The following DSTYK variants were observed in gnomAD, a reference collection of about 807,000 sequenced individuals.
DSTYK encodes dual serine/threonine and tyrosine protein kinase.
Under a neutral mutation model 98.7 loss-of-function variants are expected in DSTYK, and 34 were observed. The ratio of observed to expected loss-of-function variants is 0.34; its 90% CI spans 0.26 to 0.46. The LOEUF is 0.46. Among genes scored for constraint, DSTYK ranks in the 20% least tolerant of loss-of-function variants. The pLI is 1.00. For missense variants in DSTYK, 962 were observed against 1,181.7 expected, an observed-to-expected ratio of 0.81 and a Z score of 2.73; for synonymous variants, 462 against 457.3, an observed-to-expected ratio of 1.01 and a Z score of -0.13.
chr1:205,161,505 T>C (rs901578585), intron 6 of DSTYK, 118 bp from the exon 7 acceptor site: 4 of 1,084,498 alleles, frequency 3.7e-6, no homozygotes, highest in Non-Finnish European at 5.2e-6. Context: ...TTAAACAAGA[T>C]ACATGTAACA....
At chr1:205,151,252 C>T (rs1348887204) in intron 10 of DSTYK, among the ~76,000 whole-genome samples, 1 of 152,112 alleles carries the variant, frequency 6.6e-6, no homozygotes, top group Non-Finnish European at 1.5e-5. Context: ...AGGCCTAGGA[C>T]GTTACTGTAC....
chr1:205,147,108 T>A lies in DSTYK; in HGVS notation c.*450A>T, dbSNP rs888371836. On this transcript the variant is annotated 3_prime_UTR_variant, in exon 13 of 13. Coordinates refer to ENST00000367162, the MANE Select transcript of DSTYK (RefSeq NM_015375.3). ...TATTGTTTTTGTCCCCATGTTTTCA[T>A]AATCCCAGAACTAAGCTCAAATTTT... The A allele has an allele frequency of 2.6e-5, 4 of 153,528 alleles. No homozygotes were observed. The highest frequency in any genetic ancestry group is 9.6e-5 in the African/African-American group (4 of 41,472). The allele number at this position is 153,528 out of a possible 1,614,324, so 9.5% of individuals were successfully genotyped here.
intron 10 of DSTYK, 88 bp downstream of exon 10, chr1:205,157,185 T>G (rs1393836755): frequency 8.9e-7 from 1 of 1,120,994 alleles, no homozygotes; most frequent in Non-Finnish European, 1.3e-6. Flanking sequence ...GGACTTTTCT[T>G]AGGATCTAAC....
chr1:205,186,336 C>T lies in DSTYK; in HGVS notation c.654+1082G>A, dbSNP rs79622092. 8.6e-3 allele frequency among the ~76,000 whole-genome samples: 1,306 copies of T among 152,300 alleles called. 22 individuals are homozygous for T. Among genetic ancestry groups the T allele is most frequent in the African/African-American group, 0.03 (1,250 of 41,546 alleles). Reference sequence around the variant, plus strand: ...AAACTGAGCTGAGAGAGAATGGGGGCTTGTTACATAGCCCCCTGTGGCATT... The same window carrying T: ...AAACTGAGCTGAGAGAGAATGGGGGTTTGTTACATAGCCCCCTGTGGCATT... On this transcript the variant is annotated intron_variant, in intron 2 of 12. Transcript: ENST00000367162.
At chr1:205,197,675 G>C (rs1041396102) in intron 1 of DSTYK, among the ~76,000 whole-genome samples, 1 of 151,622 alleles carries the variant, frequency 6.6e-6, no homozygotes, top group Non-Finnish European at 1.5e-5. Context: ...TTTCTTCACT[G>C]TCTCCACTTT....
At chr1:205,207,226 G>A (rs1387271762) in intron 1 of DSTYK, among the ~76,000 whole-genome samples, 4 of 151,546 alleles carry the variant, frequency 2.6e-5, no homozygotes, top group South Asian at 2.1e-4. Context: ...TTACAGGCAC[G>A]CGCCATCATG....
At chr1:205,208,394 C>T (rs1659269493) in intron 1 of DSTYK, among the ~76,000 whole-genome samples, 1 of 152,144 alleles carries the variant, frequency 6.6e-6, no homozygotes. Flanking sequence ...CATACTTATA[C>T]TCCAATCATT....
At chr1:205,171,332 C>T (rs964800489) in intron 2 of DSTYK, among the ~76,000 whole-genome samples, 2 of 151,496 alleles carry the variant, frequency 1.3e-5, no homozygotes, top group South Asian at 2.1e-4. Flanking sequence ...GCGCCTGTAG[C>T]CCCAGCTACT....
chr1:205,163,841 A>G lies in DSTYK; in HGVS notation c.1439T>C (p.Leu480Pro), dbSNP rs1657807920. The G allele has an allele frequency of 6.2e-7, 1 of 1,614,050 alleles. No individual in the cohort carries two copies. The highest frequency in any genetic ancestry group is 1.7e-5 in the Admixed American group (1 of 59,998). ...CCTCAGGTAATCCACTGAGCTGATC[A>G]GCTTATTAGCCACTGCCTGATTAAG... ...SRLNQAVANK[L>P]ISSVDYLRES... Residue 480 changes from leucine (L) to proline (P), a missense_variant, in exon 4 of 13, where the codon CTG becomes CCG. Leu to Pro is a moderately conservative substitution (Grantham distance 98). Transcript: ENST00000367162.
chr1:205,161,556 A>G (rs1048151448), intron 6 of DSTYK, among the ~76,000 whole-genome samples, 169 bp from the exon 7 acceptor site: 1 of 152,220 alleles, frequency 6.6e-6, no homozygotes, highest in Non-Finnish European at 1.5e-5. Flanking sequence ...CTCTCAATAA[A>G]TAATAACTTT....
At chr1:205,147,937 AAAAG>A (rs1330091499) in intron 12 of DSTYK, among the ~76,000 whole-genome samples, 192 bp from the exon 13 acceptor site, 1 of 152,180 alleles carries the variant, frequency 6.6e-6, no homozygotes, top group Admixed American at 6.5e-5. Context: ...GAAAGAAAGA[AAAAG>A]AAAAGAAAAA....
At chr1:205,148,542 C>T (rs964675510) in intron 11 of DSTYK, among the ~76,000 whole-genome samples, 2 of 152,102 alleles carry the variant, frequency 1.3e-5, no homozygotes, top group African/African-American at 2.4e-5. Context: ...GAGGTCACAG[C>T]TCAATACTAA....
intron 6 of DSTYK, 84 bp from the exon 7 acceptor site, chr1:205,161,471 A>ATTAT: frequency 1.5e-6 from 2 of 1,343,138 alleles, no homozygotes; most frequent in East Asian, 4.7e-5. Flanking sequence ...AATAATATCT[A>ATTAT]CTTCATATAG....
chr1:205,205,586 T>C (rs931431048), intron 1 of DSTYK, among the ~76,000 whole-genome samples: 6 of 151,776 alleles, frequency 4.0e-5, no homozygotes, highest in African/African-American at 1.5e-4. Flanking sequence ...GCTGGGATTA[T>C]AGGCCCGCAC....
At position 205,148,350 on chromosome 1, in the gene DSTYK, G is replaced by A; in HGVS notation, c.2468-11C>T. ...AATTATCGTACTTCCCTGATGGCAA[G>A]AAAGGATGAAACGTAATGAGCCACA... On this transcript the variant is annotated splice_polypyrimidine_tract_variant and intron_variant, in intron 11 of 12. Coordinates refer to ENST00000367162, the MANE Select transcript of DSTYK (RefSeq NM_015375.3). The A allele has an allele frequency of 6.2e-7, 1 of 1,612,900 alleles. No homozygotes were observed. Among genetic ancestry groups the A allele is most frequent in the Non-Finnish European group, 8.5e-7 (1 of 1,179,960 alleles).
At chr1:205,167,214 A>G (rs531007932) in intron 3 of DSTYK, among the ~76,000 whole-genome samples, 8 of 152,128 alleles carry the variant, frequency 5.3e-5, no homozygotes, top group African/African-American at 1.4e-4. Context: ...CTTGGCCAAC[A>G]TGGTGAAACC....
chr1:205,210,656 C>A (rs1254702666), intron 1 of DSTYK, among the ~76,000 whole-genome samples: 1 of 152,212 alleles, frequency 6.6e-6, no homozygotes, highest in Non-Finnish European at 1.5e-5. Flanking sequence ...TCTTCTTCAC[C>A]TTAAGCATGA....
intron 2 of DSTYK, among the ~76,000 whole-genome samples, chr1:205,178,674 A>G (rs1453152291): frequency 1.3e-5 from 2 of 152,178 alleles, no homozygotes; most frequent in African/African-American, 2.4e-5. Context: ...AGGAGTTCCA[A>G]TGTGGATGAT....
At chr1:205,161,678 T>C (rs1052666505) in intron 6 of DSTYK, among the ~76,000 whole-genome samples, 16 of 152,320 alleles carry the variant, frequency 1.1e-4, no homozygotes, top group African/African-American at 3.8e-4. Flanking sequence ...TGGAAAGTCA[T>C]GTCCTTCTGT....
Sources: allele counts gnomAD v4.1 joint callset (sites outside exome capture counted in the v4.1 genomes callset), GRCh38; gene constraint gnomAD v4.1.1; transcripts MANE v1.5; gene names NCBI Gene and HGNC (gene_info 2026-07-23, HGNC 2026-07-21).